The following VPS13A variants were observed in gnomAD, a reference collection of about 807,000 sequenced individuals.
VPS13A encodes the protein vacuolar protein sorting 13 homolog A.
A neutral mutation model predicts 390.9 loss-of-function variants in VPS13A; 264 were observed. The observed-to-expected ratio is 0.68, with a 90% CI of 0.61 to 0.75. The LOEUF is 0.75. Ranked by LOEUF, VPS13A falls within the 30% of genes least tolerant of loss-of-function variation. The pLI is 0.00. For synonymous variants in VPS13A, 1,231 were observed against 1,227.1 expected (o/e 1.00, Z -0.07); for missense variants, 3,409 against 3,733.9 (o/e 0.91, Z 2.27).
At chr9:77,270,021 C>T (rs1057366941) in intron 23 of VPS13A, among the ~76,000 whole-genome samples, 3 of 152,152 alleles carry the variant, frequency 2.0e-5, no homozygotes, top group Admixed American at 1.3e-4. Flanking sequence ...TAGAGGTGGC[C>T]TCCAGAACTG....
At chr9:77,397,415 A>G (rs967980516) in intron 68 of VPS13A, among the ~76,000 whole-genome samples, 1 of 152,110 alleles carries the variant, frequency 6.6e-6, no homozygotes, top group Non-Finnish European at 1.5e-5. Context: ...GCCGAACAAC[A>G]TGTTCTTGTC....
chr9:77,393,874 T>G (rs1000046923), intron 68 of VPS13A, among the ~76,000 whole-genome samples: 7 of 152,276 alleles, frequency 4.6e-5, no homozygotes, highest in Admixed American at 1.3e-4. Flanking sequence ...GTTCAAGCAA[T>G]TCTCCTGTCT....
intron 68 of VPS13A, 36 bp from the exon 69 acceptor site, chr9:77,403,200 T>C (rs200855279): frequency 1.1e-5 from 16 of 1,491,920 alleles, no homozygotes; most frequent in African/African-American, 6.9e-5. Flanking sequence ...GGAAATACTA[T>C]CAATTTTCTC....
intron 68 of VPS13A, 48 bp downstream of exon 68, chr9:77,382,135 G>A: frequency 1.3e-6 from 2 of 1,507,752 alleles, no homozygotes; most frequent in Non-Finnish European, 1.8e-6. Context: ...AGTCAAGTTA[G>A]ATTTTTTTTA....
At chr9:77,270,701 A>G (rs1413491375) in intron 23 of VPS13A, among the ~76,000 whole-genome samples, 1 of 152,144 alleles carries the variant, frequency 6.6e-6, no homozygotes, top group African/African-American at 2.4e-5. Context: ...AAAAACAAAA[A>G]AAAAATTGTA....
intron 62 of VPS13A, among the ~76,000 whole-genome samples, chr9:77,368,844 G>A (rs533555675): frequency 5.3e-5 from 8 of 152,238 alleles, no homozygotes; most frequent in African/African-American, 9.6e-5. Context: ...TAAGAATAGC[G>A]ATCAATAAGC....
intron 22 of VPS13A, among the ~76,000 whole-genome samples, chr9:77,258,374 G>T (rs753959611): frequency 1.2e-4 from 18 of 152,122 alleles, no homozygotes; most frequent in Admixed American, 6.5e-5. Context: ...TGGTACATGG[G>T]GTGGACATTG....
In VPS13A at chr9:77,418,006, A is replaced by AGAT. The variant is rs1237379620; in HGVS notation, c.*2001_*2003dup. ...ACATCATATCATTTGTTGTTTTAGA[A>AGAT]GATTGTCTTCATCTAAACAAAAACA... On this transcript the variant is annotated 3_prime_UTR_variant, in exon 72 of 72. Coordinates refer to ENST00000360280, the MANE Select transcript of VPS13A (RefSeq NM_033305.3). 6.6e-6 allele frequency: 1 copy of AGAT among 152,194 alleles called. No homozygotes were observed. The allele number at this position is 152,194 out of a possible 1,614,324, so 9.4% of individuals were successfully genotyped here. A position where few individuals can be genotyped will look rare whatever the true frequency, so the allele number is the denominator to read the frequency against.
chr9:77,332,197 A>C, intron 46 of VPS13A, 84 bp downstream of exon 46: 1 of 1,057,296 alleles, frequency 9.5e-7, no homozygotes, highest in Non-Finnish European at 1.5e-6. Context: ...ACTTTGATCA[A>C]ATCCATCCTG....
intron 9 of VPS13A, 37 bp from the exon 10 acceptor site, chr9:77,214,292 G>T (rs1564635674): frequency 6.4e-7 from 1 of 1,572,898 alleles, no homozygotes; most frequent in East Asian, 2.3e-5. Flanking sequence ...AGACATATTG[G>T]CATGAATATA....
intron 34 of VPS13A, among the ~76,000 whole-genome samples, chr9:77,307,433 A>C (rs1828823250): frequency 6.6e-6 from 1 of 152,218 alleles, no homozygotes; most frequent in African/African-American, 2.4e-5. Context: ...CCTGGGTGAC[A>C]GAATGAGACC....
At chr9:77,379,383 G>A (rs755702836) in intron 67 of VPS13A, among the ~76,000 whole-genome samples, 15 of 152,086 alleles carry the variant, frequency 9.9e-5, no homozygotes, top group Non-Finnish European at 2.1e-4. Context: ...TGGGATTACA[G>A]GCATGTGCCA....
intron 67 of VPS13A, among the ~76,000 whole-genome samples, chr9:77,380,341 C>A (rs1321103997): frequency 6.6e-6 from 1 of 151,918 alleles, no homozygotes; most frequent in Admixed American, 6.6e-5. Context: ...GAGATGGAGT[C>A]TCGCTGTGTC....
intron 68 of VPS13A, among the ~76,000 whole-genome samples, chr9:77,400,500 G>A (rs1834333363): frequency 6.6e-6 from 1 of 151,740 alleles, no homozygotes; most frequent in Admixed American, 6.6e-5. Context: ...GTGTTTTATG[G>A]ACTCTGTTAT....
intron 1 of VPS13A, among the ~76,000 whole-genome samples, chr9:77,178,378 C>T (rs1281289102): frequency 6.6e-6 from 1 of 152,238 alleles, no homozygotes; most frequent in Non-Finnish European, 1.5e-5. Flanking sequence ...GGCCCTAGGA[C>T]CCGGACGCCG....
At chr9:77,363,207 C>CTT (rs1832237280) in intron 59 of VPS13A, among the ~76,000 whole-genome samples, 1 of 151,920 alleles carries the variant, frequency 6.6e-6, no homozygotes, top group Non-Finnish European at 1.5e-5. Context: ...AATTTTCAGT[C>CTT]TTTGAGTATG....
At chr9:77,388,164 G>A (rs1449337199) in intron 68 of VPS13A, among the ~76,000 whole-genome samples, 6 of 152,132 alleles carry the variant, frequency 3.9e-5, no homozygotes, top group Non-Finnish European at 8.8e-5. Flanking sequence ...AATGATGATG[G>A]ATATGTGAAA....
intron 26 of VPS13A, among the ~76,000 whole-genome samples, chr9:77,277,441 C>CA (rs1826748686): frequency 6.6e-6 from 1 of 152,080 alleles, no homozygotes; most frequent in Non-Finnish European, 1.5e-5. Context: ...TCGTAATTAC[C>CA]AAGAGTCCAC....
intron 63 of VPS13A, 143 bp downstream of exon 63, chr9:77,369,555 G>T (rs1832631670): frequency 5.7e-6 from 4 of 703,164 alleles, no homozygotes; most frequent in East Asian, 2.7e-5. Flanking sequence ...GCAAACAATG[G>T]TAAGAGGTTT....
Sources: gnomAD v4.1 joint callset for allele counts (sites outside exome capture counted in the v4.1 genomes callset) on GRCh38, gnomAD v4.1.1 for gene constraint, MANE v1.5 for transcripts, NCBI Gene and HGNC (gene_info 2026-07-23, HGNC 2026-07-21) for gene names.